Variants in INPP4B observed in about 807,000 individuals in gnomAD.
The protein encoded by INPP4B is inositol polyphosphate 4-phosphatase type II.
In INPP4B, 55 loss-of-function variants were observed where a neutral mutation model predicts 122.5. The observed-to-expected ratio is 0.45, with a 90% CI of 0.36 to 0.56. The LOEUF is 0.56. Among genes scored for constraint, INPP4B ranks in the 20% least tolerant of loss-of-function variants. INPP4B has a pLI of 0.00. For synonymous variants in INPP4B, 403 were observed against 388.7 expected (o/e 1.04, Z -0.43); for missense variants, 1,000 against 1,097.7 (o/e 0.91, Z 1.26).
chr4:142,538,203 C>T (rs1294844337), intron 2 of INPP4B, among the ~76,000 whole-genome samples: 1 of 152,068 alleles, frequency 6.6e-6, no homozygotes, highest in Non-Finnish European at 1.5e-5. Flanking sequence ...TCTTTGTAAG[C>T]ATTATTTTTA....
intron 1 of INPP4B, among the ~76,000 whole-genome samples, chr4:142,844,057 T>G (rs941038915): frequency 6.6e-6 from 1 of 152,198 alleles, no homozygotes; most frequent in Admixed American, 6.5e-5. Flanking sequence ...AGCGATTTAG[T>G]ATTTTGACAA....
chr4:142,431,396 T>A lies in INPP4B; in HGVS notation c.-126-11A>T, dbSNP rs1809260943. The stretch of plus-strand genomic sequence containing the variant: ...TCTGAAATTCTGTACCTAGGAAACA[T>A]CAAAAGTTAAAATTTCAGTCATATT... On this transcript the variant is annotated splice_polypyrimidine_tract_variant and intron_variant, in intron 3 of 25. Coordinates refer to ENST00000262992, the MANE Select transcript of INPP4B (RefSeq NM_001101669.3). The A allele has an allele frequency of 6.2e-6, 4 of 647,928 alleles. No homozygotes were observed. In the East Asian group the frequency reaches 1.1e-4, roughly 18 times the overall value. 40.1% of individuals were successfully genotyped at this position (647,928 alleles called of 1,614,324 possible).
intron 7 of INPP4B, among the ~76,000 whole-genome samples, chr4:142,358,411 C>G (rs933155674): frequency 2.6e-5 from 4 of 151,846 alleles, no homozygotes; most frequent in South Asian, 4.1e-4. Context: ...AGCAAGCACA[C>G]CCAGCACCCC....
At chr4:142,119,268 C>T (rs1296038209) in intron 21 of INPP4B, among the ~76,000 whole-genome samples, 2 of 152,104 alleles carry the variant, frequency 1.3e-5, no homozygotes, top group African/African-American at 2.4e-5. Context: ...ACTAGAAATA[C>T]CATTTGACCC....
intron 2 of INPP4B, among the ~76,000 whole-genome samples, chr4:142,546,026 TC>T (rs1829609984): frequency 2.0e-5 from 3 of 151,998 alleles, no homozygotes; most frequent in African/African-American, 7.2e-5. Context: ...GATTATTTTA[TC>T]ACCTAGGTAT....
intron 7 of INPP4B, among the ~76,000 whole-genome samples, chr4:142,345,001 T>C (rs2151740395): frequency 6.6e-6 from 1 of 152,182 alleles, no homozygotes; most frequent in South Asian, 2.1e-4. Flanking sequence ...CTTGGTTTTC[T>C]ACCATCTCAT....
chr4:142,664,105 C>T (rs1168370141), intron 2 of INPP4B, among the ~76,000 whole-genome samples: 1 of 152,134 alleles, frequency 6.6e-6, no homozygotes, highest in African/African-American at 2.4e-5. Context: ...TTTGAGGGAT[C>T]TACCTGGCCC....
intron 10 of INPP4B, among the ~76,000 whole-genome samples, chr4:142,267,428 G>A (rs367837627): frequency 8.5e-5 from 13 of 152,196 alleles, no homozygotes; most frequent in Middle Eastern, 6.8e-3. Flanking sequence ...TGGGCAATTC[G>A]TTTTCAACAA....
At chr4:142,738,707 G>A (rs1702526180) in intron 1 of INPP4B, among the ~76,000 whole-genome samples, 1 of 152,056 alleles carries the variant, frequency 6.6e-6, no homozygotes, top group Non-Finnish European at 1.5e-5. Flanking sequence ...TTCCCCATAT[G>A]TGTCTACAAA....
intron 5 of INPP4B, among the ~76,000 whole-genome samples, chr4:142,413,277 G>A (rs1000611372): frequency 6.6e-6 from 1 of 151,916 alleles, no homozygotes; most frequent in African/African-American, 2.4e-5. Flanking sequence ...ACGCATATAA[G>A]GGAAAATAAT....
intron 2 of INPP4B, among the ~76,000 whole-genome samples, chr4:142,661,817 T>G (rs958856237): frequency 9.9e-5 from 15 of 152,160 alleles, no homozygotes; most frequent in Non-Finnish European, 2.9e-5. Context: ...CAGGAGACAG[T>G]CCATCTGAAG....
rs192966921 is a variant in INPP4B, at chr4:142,538,422, T to C, written c.-190-75696A>G. Among the ~76,000 whole-genome samples the C allele has an allele frequency of 6.6e-5, 10 of 152,210 alleles. No homozygotes were observed. The South Asian group carries it at 2.1e-3, about 32-fold the overall frequency. On this transcript the variant is annotated intron_variant, in intron 2 of 25. Transcript: ENST00000262992. ...TCAGAATTATATGCATGTGAGTATA[T>C]ATATACTAAAACACAGATGTAGTAA...
chr4:142,319,545 C>A (rs759057663), intron 7 of INPP4B, among the ~76,000 whole-genome samples: 1 of 152,206 alleles, frequency 6.6e-6, no homozygotes, highest in Non-Finnish European at 1.5e-5. Context: ...AGCTACTCAA[C>A]CAGGATTCCA....
chr4:142,783,973 A>T (rs1162894300), intron 1 of INPP4B, among the ~76,000 whole-genome samples: 1 of 152,182 alleles, frequency 6.6e-6, no homozygotes. Context: ...AATCTAAAAA[A>T]ATGCCAGAGA....
intron 7 of INPP4B, among the ~76,000 whole-genome samples, chr4:142,329,580 C>A (rs1773714320): frequency 6.6e-6 from 1 of 152,062 alleles, no homozygotes; most frequent in Non-Finnish European, 1.5e-5. Flanking sequence ...AAATTAGGAG[C>A]CATTTACAAA....
intron 23 of INPP4B, among the ~76,000 whole-genome samples, chr4:142,087,482 A>T (rs1419837159): frequency 6.6e-6 from 1 of 152,210 alleles, no homozygotes; most frequent in African/African-American, 2.4e-5. Context: ...AAACAAAAAG[A>T]CTGTCTAAGT....
chr4:142,069,940 T>C (rs1029846535), intron 25 of INPP4B, among the ~76,000 whole-genome samples: 10 of 152,146 alleles, frequency 6.6e-5, no homozygotes, highest in African/African-American at 2.4e-4. Flanking sequence ...TCTGAAACCA[T>C]TCCAATCAAA....
intron 1 of INPP4B, among the ~76,000 whole-genome samples, chr4:142,832,664 A>G (rs1281036117): frequency 6.6e-6 from 1 of 152,162 alleles, no homozygotes; most frequent in Admixed American, 6.5e-5. Context: ...ATGAATTTAA[A>G]CTGCTTTAGG....
rs1206023677 is a variant in INPP4B, at chr4:142,398,401, A to AAT, written c.372+4535_372+4536dup. Among the ~76,000 whole-genome samples, 197 of 28,436 alleles carry AAT rather than the reference A, an allele frequency of 6.9e-3. 2 individuals are homozygous for AAT. Among genetic ancestry groups the AAT allele is most frequent in the South Asian group, 0.024 (11 of 450 alleles). 18.7% of individuals were successfully genotyped at this position (28,436 alleles called of 152,430 possible). ...TAAAAAAAAAAAAAAAAAAAAAAAA[A>AAT]ATATATATATATATATATATATATA... is the stretch of plus-strand genomic sequence containing the variant. On this transcript the variant is annotated intron_variant, in intron 7 of 25. Coordinates refer to ENST00000262992, the MANE Select transcript of INPP4B (RefSeq NM_001101669.3).
Sources: gnomAD v4.1 joint callset for allele counts (sites outside exome capture counted in the v4.1 genomes callset) on GRCh38, gnomAD v4.1.1 for gene constraint, MANE v1.5 for transcripts, NCBI Gene and HGNC (gene_info 2026-07-23, HGNC 2026-07-21) for gene names.